DLG2: variants seen among roughly 807,000 people sequenced by gnomAD.
DLG2 encodes the protein disks large homolog 2.
Under a neutral mutation model 132.5 loss-of-function variants are expected in DLG2, and 45 were observed. That is an observed-to-expected ratio of 0.34 (90% CI 0.27 to 0.44). DLG2 has a LOEUF of 0.44. Among genes scored for constraint, DLG2 ranks in the 20% least tolerant of loss-of-function variants. The pLI is 1.00. For synonymous variants in DLG2, 424 were observed against 419.6 expected (o/e 1.01, Z -0.13); for missense variants, 1,045 against 1,196.9 (o/e 0.87, Z 1.87).
chr11:83,639,853 T>G (rs567794918), intron 18 of DLG2, among the ~76,000 whole-genome samples: 1 of 152,048 alleles, frequency 6.6e-6, no homozygotes. Flanking sequence ...CATTTATTAC[T>G]AGTGGGGCCT....
intron 9 of DLG2, among the ~76,000 whole-genome samples, chr11:84,105,566 G>A (rs192157468): frequency 3.3e-5 from 5 of 152,254 alleles, no homozygotes; most frequent in Non-Finnish European, 7.4e-5. Flanking sequence ...GATCCAACAA[G>A]TATGGATTAA....
intron 6 of DLG2, among the ~76,000 whole-genome samples, chr11:84,563,113 G>T (rs920116809): frequency 6.6e-6 from 1 of 152,180 alleles, no homozygotes; most frequent in Non-Finnish European, 1.5e-5. Flanking sequence ...ATATTGGGCT[G>T]CATTCCTTGT....
At chr11:84,022,742 G>A (rs922341961) in intron 11 of DLG2, among the ~76,000 whole-genome samples, 1 of 152,038 alleles carries the variant, frequency 6.6e-6, no homozygotes, top group African/African-American at 2.4e-5. Flanking sequence ...CTTTTTTTGG[G>A]GGGAGTAGGG....
At chr11:84,721,839 C>T (rs188726663) in intron 6 of DLG2, among the ~76,000 whole-genome samples, 1 of 152,338 alleles carries the variant, frequency 6.6e-6, no homozygotes, top group Admixed American at 6.5e-5. Context: ...GTATTAACCC[C>T]TAACCTAAAG....
At chr11:83,997,921 CAGG>C (rs1389827388) in intron 11 of DLG2, among the ~76,000 whole-genome samples, 7 of 150,770 alleles carry the variant, frequency 4.6e-5, no homozygotes, top group Non-Finnish European at 8.9e-5. Flanking sequence ...CACTTGAGGT[CAGG>C]AGTTCGATAC....
chr11:84,794,920 G>T (rs551385741), intron 6 of DLG2, among the ~76,000 whole-genome samples: 1 of 152,186 alleles, frequency 6.6e-6, no homozygotes, highest in African/African-American at 2.4e-5. Context: ...CCTGTGTGCC[G>T]TGGGCACCAT....
chr11:84,809,243 A>T (rs1566021850), intron 6 of DLG2, among the ~76,000 whole-genome samples: 1 of 151,972 alleles, frequency 6.6e-6, no homozygotes. Context: ...ACACACATTG[A>T]TAAAAAGTCT....
In DLG2 at chr11:83,462,106, G is replaced by A. The variant is rs1252644469; in HGVS notation, c.2730-13C>T. ...CTTATTCATCTCCCTGGGAAAATGA[G>A]GGTTTGTATTAGAACATAAAGGGAA... On this transcript the variant is annotated splice_polypyrimidine_tract_variant and intron_variant, in intron 26 of 27. Transcript: ENST00000376104. 6.4e-7 allele frequency: 1 copy of A among 1,551,152 alleles called. No individual in the cohort carries two copies. The highest frequency in any genetic ancestry group is 8.9e-7 in the Non-Finnish European group (1 of 1,123,136).
chr11:85,523,237 C>T (rs2074457965), intron 3 of DLG2, among the ~76,000 whole-genome samples: 1 of 152,168 alleles, frequency 6.6e-6, no homozygotes. Context: ...CTCTCTCCCA[C>T]TGCCATGTGA....
intron 5 of DLG2, among the ~76,000 whole-genome samples, chr11:85,134,928 C>A (rs1402900939): frequency 6.6e-6 from 1 of 152,196 alleles, no homozygotes; most frequent in Non-Finnish European, 1.5e-5. Context: ...AAGTTAAACA[C>A]CACCAATAAA....
chr11:84,537,413 A>G (rs1167061559), intron 6 of DLG2, among the ~76,000 whole-genome samples: 1 of 152,078 alleles, frequency 6.6e-6, no homozygotes, highest in Non-Finnish European at 1.5e-5. Context: ...GCCCTGAATT[A>G]CTTTTGTTCT....
chr11:84,431,819 T>C (rs1486948606), intron 7 of DLG2, among the ~76,000 whole-genome samples: 3 of 152,200 alleles, frequency 2.0e-5, no homozygotes, highest in Non-Finnish European at 4.4e-5. Flanking sequence ...TAAGAATAAA[T>C]ATTTTTCACT....
chr11:85,157,063 A>G (rs1250002239), intron 4 of DLG2, among the ~76,000 whole-genome samples: 2 of 152,198 alleles, frequency 1.3e-5, no homozygotes, highest in Admixed American at 6.5e-5. Context: ...CAGTGCAGCT[A>G]GGATATAAAG....
intron 18 of DLG2, among the ~76,000 whole-genome samples, chr11:83,700,387 A>G (rs2082717638): frequency 6.6e-6 from 1 of 152,184 alleles, no homozygotes; most frequent in South Asian, 2.1e-4. Context: ...CAAAGAGGCT[A>G]TGATGACCTT....
intron 19 of DLG2, among the ~76,000 whole-genome samples, chr11:83,620,014 C>T (rs7116342): frequency 0.038 from 5,711 of 152,204 alleles, 368 homozygotes; most frequent in African/African-American, 0.13. Flanking sequence ...CTATTAAATA[C>T]CCTGTTTGTT....
chr11:85,507,169 G>T (rs2093955028), intron 3 of DLG2, among the ~76,000 whole-genome samples: 2 of 152,244 alleles, frequency 1.3e-5, no homozygotes, highest in East Asian at 1.9e-4. Flanking sequence ...TGTCCAATTT[G>T]CCAGTCTTTG....
intron 3 of DLG2, among the ~76,000 whole-genome samples, chr11:85,370,966 T>C (rs1037215500): frequency 6.6e-6 from 1 of 152,214 alleles, no homozygotes; most frequent in Non-Finnish European, 1.5e-5. Flanking sequence ...AACATTGTTA[T>C]GTTAAGTTAT....
At chr11:83,574,530 C>A (rs966206416) in intron 19 of DLG2, among the ~76,000 whole-genome samples, 2 of 152,080 alleles carry the variant, frequency 1.3e-5, no homozygotes, top group Non-Finnish European at 2.9e-5. Flanking sequence ...TTTCTCAAGT[C>A]ACCTTTGTAA....
chr11:83,931,450 C>T (rs2080204471), intron 14 of DLG2, among the ~76,000 whole-genome samples: 2 of 152,182 alleles, frequency 1.3e-5, no homozygotes, highest in African/African-American at 4.8e-5. Context: ...GATGTTGACT[C>T]TACAGACTAA....
Sources: gnomAD v4.1 joint callset for allele counts (sites outside exome capture counted in the v4.1 genomes callset) on GRCh38, gnomAD v4.1.1 for gene constraint, MANE v1.5 for transcripts, NCBI Gene and HGNC (gene_info 2026-07-23, HGNC 2026-07-21) for gene names.